TNFRSF11B: variants seen among roughly 807,000 people sequenced by gnomAD.
TNFRSF11B encodes TNF receptor superfamily member 11b, also known as tumor necrosis factor receptor superfamily member 11B.
TNFRSF11B carries 16 observed loss-of-function variants against 43.4 expected under a neutral mutation model. The observed-to-expected ratio is 0.37, with a 90% CI of 0.25 to 0.56. The LOEUF is 0.56. Ranked by LOEUF, TNFRSF11B falls within the 20% of genes least tolerant of loss-of-function variation. The pLI is 0.80. For missense variants in TNFRSF11B, 444 were observed against 490.1 expected, an observed-to-expected ratio of 0.91 and a Z score of 0.89; for synonymous variants, 185 against 181.8, an observed-to-expected ratio of 1.02 and a Z score of -0.14.
intron 2 of TNFRSF11B, chr8:118,930,548 G>T (rs6469786): frequency 0.17 from 37,115 of 221,560 alleles, 3,774 homozygotes; most frequent in East Asian, 0.31. Flanking sequence ...AGTAGCTAGG[G>T]TTGCAGGCAT....
In TNFRSF11B at chr8:118,951,809, G is replaced by C; in HGVS notation, c.13C>G (p.Leu5Val). 1 of 1,593,986 alleles carries C rather than the reference G, an allele frequency of 6.3e-7. No homozygotes were observed. Among genetic ancestry groups the C allele is most frequent in the Non-Finnish European group, 8.5e-7 (1 of 1,170,484 alleles). Residue 5 changes from leucine to valine, a missense_variant, in exon 1 of 5, where the codon CTG becomes GTG. Leu to Val is a conservative substitution (Grantham distance 32). Coordinates refer to ENST00000297350, the MANE Select transcript of TNFRSF11B (RefSeq NM_002546.4). MNNL[L>V]CCALVFLDIS... The stretch of plus-strand genomic sequence containing the variant: ...GGACTTACCACGAGCGCGCAGCACA[G>C]CAAGTTGTTCATTGTGGTCCCCGGA...
chr8:118,933,240 A>G lies in TNFRSF11B; in HGVS notation c.91T>C (p.Tyr31His). 1.2e-6 allele frequency: 2 copies of G among 1,614,134 alleles called. No individual in the cohort carries two copies. Among genetic ancestry groups the G allele is most frequent in the Non-Finnish European group, 1.7e-6 (2 of 1,180,010 alleles). ...QETFPPKYLH[Y>H]DEETSHQLLC... is the part of the protein sequence containing the mutation. ...AGCTGATGAGAGGTTTCTTCGTCAT[A>G]ATGAAGGTACTTTGGAGGAAACGTT... Residue 31 changes from tyrosine (Y) to histidine (H), a missense_variant, in exon 2 of 5, where the codon TAT becomes CAT. Tyr to His is a moderately conservative substitution (Grantham distance 83, BLOSUM62 2). Coordinates refer to ENST00000297350, the MANE Select transcript of TNFRSF11B (RefSeq NM_002546.4).
At chr8:118,928,698 C>T in intron 3 of TNFRSF11B, 40 bp downstream of exon 3, 1 of 1,604,728 alleles carries the variant, frequency 6.2e-7, no homozygotes, top group Non-Finnish European at 8.5e-7. Context: ...AGAGATGATA[C>T]TACAAAATCG....
chr8:118,926,404 C>T, intron 4 of TNFRSF11B, 90 bp downstream of exon 4: 1 of 1,209,396 alleles, frequency 8.3e-7, no homozygotes, highest in Non-Finnish European at 1.2e-6. Context: ...AAGATCCACA[C>T]AACTAAACAT....
intron 1 of TNFRSF11B, among the ~76,000 whole-genome samples, chr8:118,950,248 G>T (rs1209332679): frequency 6.6e-6 from 1 of 152,196 alleles, no homozygotes; most frequent in Middle Eastern, 3.4e-3. Context: ...CCATATTAAC[G>T]GCAGCATTAT....
chr8:118,933,257 G>A lies in TNFRSF11B; in HGVS notation c.74C>T (p.Pro25Leu). Residue 25 changes from proline to leucine, a missense_variant, in exon 2 of 5, where the codon CCT (proline) becomes CTT (leucine). Physicochemically the swap from Pro to Leu is moderately conservative, Grantham distance 98. Coordinates refer to ENST00000297350, the MANE Select transcript of TNFRSF11B (RefSeq NM_002546.4). ...SIKWTTQETFPPKYLHYDEET... is the reference protein window; with the variant it reads ...SIKWTTQETFLPKYLHYDEET... ...TTCGTCATAATGAAGGTACTTTGGA[G>A]GAAACGTTTCCTGGGTGGTCCACTT... 1.2e-6 allele frequency: 2 copies of A among 1,614,098 alleles called. No individual in the cohort carries two copies. The highest frequency in any genetic ancestry group is 1.7e-6 in the Non-Finnish European group (2 of 1,180,030).
intron 1 of TNFRSF11B, among the ~76,000 whole-genome samples, chr8:118,948,217 A>G (rs1053846741): frequency 1.3e-5 from 2 of 152,178 alleles, no homozygotes; most frequent in African/African-American, 4.8e-5. Flanking sequence ...ATCATCAGTC[A>G]AGGCTTTAAT....
At chr8:118,931,312 G>T (rs1011013981) in intron 2 of TNFRSF11B, among the ~76,000 whole-genome samples, 1 of 152,164 alleles carries the variant, frequency 6.6e-6, no homozygotes, top group Non-Finnish European at 1.5e-5. Flanking sequence ...CCACTGTGCT[G>T]CCAGTGTACA....
intron 1 of TNFRSF11B, among the ~76,000 whole-genome samples, 174 bp from the exon 2 acceptor site, chr8:118,933,474 C>T (rs1812356986): frequency 6.6e-6 from 1 of 152,122 alleles, no homozygotes; most frequent in Non-Finnish European, 1.5e-5. Flanking sequence ...TCTCAAAGAC[C>T]AGGAATGCAG....
chr8:118,939,004 C>G (rs781419404), intron 1 of TNFRSF11B, among the ~76,000 whole-genome samples: 7 of 152,158 alleles, frequency 4.6e-5, no homozygotes, highest in African/African-American at 1.4e-4. Flanking sequence ...TGTGATCCCT[C>G]GTCATGATCT....
intron 1 of TNFRSF11B, among the ~76,000 whole-genome samples, chr8:118,941,197 C>T (rs983297109): frequency 6.6e-6 from 1 of 152,106 alleles, no homozygotes; most frequent in Non-Finnish European, 1.5e-5. Flanking sequence ...TTCTTAACTT[C>T]CATTTTAAAG....
chr8:118,929,531 A>G (rs1812296383), intron 2 of TNFRSF11B, among the ~76,000 whole-genome samples: 1 of 152,246 alleles, frequency 6.6e-6, no homozygotes, highest in Non-Finnish European at 1.5e-5. Context: ...CAGTTAAGCT[A>G]CATAGTAAAC....
At chr8:118,940,443 A>G (rs1428751623) in intron 1 of TNFRSF11B, among the ~76,000 whole-genome samples, 1 of 152,220 alleles carries the variant, frequency 6.6e-6, no homozygotes, top group Non-Finnish European at 1.5e-5. Context: ...GAATATGCAT[A>G]CCACAATTCC....
Position 118,924,570 on chromosome 8 carries a change from C to T in TNFRSF11B, c.1010G>A (p.Gly337Asp). 6.2e-7 allele frequency: 1 copy of T among 1,614,084 alleles called. No homozygotes were observed. The highest frequency in any genetic ancestry group is 8.5e-7 in the Non-Finnish European group (1 of 1,180,012). Residue 337 changes from glycine to aspartate, a missense_variant, in exon 5 of 5, where the codon GGC (glycine) becomes GAC (aspartate). By Grantham distance (94) the Gly-to-Asp change is moderately conservative. Transcript: ENST00000297350. ...TAGGCCCTTCAAGGTGTCTTGGTCG[C>T]CATTTTTTATTCGCCACAAACTGAG... Reference protein sequence around the residue: ...KLLSLWRIKNGDQDTLKGLMH... With the variant: ...KLLSLWRIKNDDQDTLKGLMH...
At chr8:118,933,862 T>C (rs1430615868) in intron 1 of TNFRSF11B, among the ~76,000 whole-genome samples, 1 of 152,216 alleles carries the variant, frequency 6.6e-6, no homozygotes, top group Non-Finnish European at 1.5e-5. Context: ...ACTGAGCCCT[T>C]AGTATGTGCC....
At chr8:118,927,184 C>T (rs1812256163) in intron 3 of TNFRSF11B, among the ~76,000 whole-genome samples, 1 of 152,082 alleles carries the variant, frequency 6.6e-6, no homozygotes, top group South Asian at 2.1e-4. Context: ...CCTTTGGAAA[C>T]AAAGCAAGAG....
intron 1 of TNFRSF11B, among the ~76,000 whole-genome samples, chr8:118,939,871 G>A (rs1307285034): frequency 1.3e-5 from 2 of 152,152 alleles, no homozygotes; most frequent in African/African-American, 4.8e-5. Context: ...GGACAAAAGT[G>A]TTAACCCTTG....
chr8:118,924,832 C>T (rs748108454), intron 4 of TNFRSF11B, 70 bp from the exon 5 acceptor site: 155 of 1,595,078 alleles, frequency 9.7e-5, no homozygotes, highest in Non-Finnish European at 1.3e-4. Context: ...ATAAAACAAG[C>T]GTGAGGCAAA....
chr8:118,926,356 A>T, intron 4 of TNFRSF11B, 138 bp downstream of exon 4: 1 of 822,966 alleles, frequency 1.2e-6, no homozygotes, highest in Non-Finnish European at 1.9e-6. Context: ...CAGTTGGTGG[A>T]AACTTTTTCA....
Sources: allele counts gnomAD v4.1 joint callset (sites outside exome capture counted in the v4.1 genomes callset), GRCh38; gene constraint gnomAD v4.1.1; transcripts MANE v1.5; gene names NCBI Gene and HGNC (gene_info 2026-07-23, HGNC 2026-07-21).